RRM2: variants seen among roughly 807,000 people sequenced by gnomAD.
RRM2 encodes ribonucleoside-diphosphate reductase subunit M2.
In RRM2, 6 loss-of-function variants were observed where a neutral mutation model predicts 45.9. That is an observed-to-expected ratio of 0.13 (90% CI 0.07 to 0.26). The LOEUF (loss-of-function observed/expected upper bound fraction) is 0.26. Among genes scored for constraint, RRM2 ranks in the 10% least tolerant of loss-of-function variants. The probability of loss-of-function intolerance (pLI) is 1.00; values close to 1 mark genes in which losing one functional copy is unlikely to be tolerated. For missense variants in RRM2, 343 were observed against 489.5 expected (o/e 0.70, Z 2.82); for synonymous variants, 177 against 173.0 (o/e 1.02, Z -0.18).
chr2:10,183,614 C>G lies in RRM2; in HGVS notation n.483-26697C>G, dbSNP rs1324919361. ...CCTGTAATCCCAGCATTTTGGGAGG[C>G]CAAGGTGGGCAGATCACTTGAGGTC... On this transcript the variant is annotated intron_variant and non_coding_transcript_variant, in intron 3 of 3. Coordinates refer to the RRM2 transcript ENST00000381786. Among the ~76,000 whole-genome samples the G allele has an allele frequency of 2.0e-5, 3 of 152,258 alleles. No individual in the cohort carries two copies. The East Asian group carries it at 5.8e-4, about 29-fold the overall frequency.
chr2:10,136,933 G>A (rs1217249755), upstream of RRM2, among the ~76,000 whole-genome samples: 1 of 152,222 alleles, frequency 6.6e-6, no homozygotes, highest in Non-Finnish European at 1.5e-5. Context: ...CTGTCCAAGA[G>A]TGAGGCCCTG....
chr2:10,203,421 C>T (rs190559309), intron 3 of RRM2, among the ~76,000 whole-genome samples: 14 of 152,278 alleles, frequency 9.2e-5, no homozygotes, highest in African/African-American at 1.2e-4. Flanking sequence ...GTGGCACCTA[C>T]GCATAGATTG....
At chr2:10,158,756 G>A (rs967939911) in intron 3 of RRM2, among the ~76,000 whole-genome samples, 6 of 152,080 alleles carry the variant, frequency 3.9e-5, no homozygotes, top group African/African-American at 1.2e-4. Context: ...ACTGGCATGG[G>A]GGCCGGGGCC....
intron 3 of RRM2, among the ~76,000 whole-genome samples, chr2:10,189,057 G>A (rs1257996653): frequency 3.9e-5 from 6 of 152,212 alleles, no homozygotes; most frequent in Admixed American, 2.0e-4. Flanking sequence ...GGGCACACAG[G>A]TAATCCTCCA....
At chr2:10,124,275 T>C (rs1462080898) in intron 4 of RRM2, among the ~76,000 whole-genome samples, 3 of 152,064 alleles carry the variant, frequency 2.0e-5, no homozygotes, top group South Asian at 2.1e-4. Context: ...CTAGCTAATA[T>C]CTGTATTTTT....
At chr2:10,192,944 G>A (rs1000096638) in intron 3 of RRM2, among the ~76,000 whole-genome samples, 5 of 152,206 alleles carry the variant, frequency 3.3e-5, no homozygotes, top group African/African-American at 9.7e-5. Flanking sequence ...TCCCTTCTGC[G>A]CTGCAGTCTC....
rs1412914796 is a variant in RRM2 at position 10,171,952 on chromosome 2, G to T, written n.482+29577G>T. The stretch of plus-strand genomic sequence containing the variant: ...GGTGTCCCCACCTGTCCAGAGGCTG[G>T]GAAAACTTAGGAGACGGTGCTGCTT... On this transcript the variant is annotated intron_variant and non_coding_transcript_variant, in intron 3 of 3. Coordinates refer to the RRM2 transcript ENST00000381786. This position sits in a 1 kb window ranked among gnomAD's most constrained non-coding sequence, Gnocchi z 4.1. Among the ~76,000 whole-genome samples the T allele has an allele frequency of 6.6e-6, 1 of 152,134 alleles. No individual in the cohort carries two copies. The highest frequency in any genetic ancestry group is 1.9e-4 in the East Asian group (1 of 5,196).
Position 10,130,830 on chromosome 2 carries a change from A to G in RRM2, c.*1444A>G, listed in dbSNP as rs556689737. 2 of 152,204 alleles carry G rather than the reference A, an allele frequency of 1.3e-5. No individual in the cohort carries two copies. Among genetic ancestry groups the G allele is most frequent in the East Asian group, 3.9e-4 (2 of 5,184 alleles). 9.4% of individuals were successfully genotyped at this position (152,204 alleles called of 1,614,324 possible). On this transcript the variant is annotated 3_prime_UTR_variant, in exon 10 of 10. Coordinates refer to ENST00000304567, the MANE Select transcript of RRM2 (RefSeq NM_001034.4). Reference sequence around the variant, plus strand: ...TTTTTAGTAGAGATGGAGTTTCACCATATTGGTCAGGCTGGTCTTGAACTC... The same window carrying G: ...TTTTTAGTAGAGATGGAGTTTCACCGTATTGGTCAGGCTGGTCTTGAACTC...
rs191347070 is a variant in RRM2 at position 10,185,898 on chromosome 2, C to G, written n.483-24413C>G. 6.6e-6 allele frequency among the ~76,000 whole-genome samples: 1 copy of G among 152,316 alleles called. No individual in the cohort carries two copies. Among genetic ancestry groups the G allele is most frequent in the East Asian group, 1.9e-4 (1 of 5,178 alleles). On this transcript the variant is annotated intron_variant and non_coding_transcript_variant, in intron 3 of 3. Transcript: ENST00000381786. This position sits in a 1 kb window ranked among gnomAD's most constrained non-coding sequence, Gnocchi z 4.3. Reference sequence around the variant, plus strand: ...GCTGACCCTCCTTTCTGTCCTTCCTCGTGCCGAGGTTCTCTCTCCTTGACT... The same window carrying G: ...GCTGACCCTCCTTTCTGTCCTTCCTGGTGCCGAGGTTCTCTCTCCTTGACT...
At chr2:10,141,894 GC>G in exon 2 of RRM2, 1 of 1,573,458 alleles carries the variant, frequency 6.4e-7, no homozygotes, top group South Asian at 1.2e-5. Flanking sequence ...TGGAGTCCAG[GC>G]CCTCGGGGAG....
chr2:10,133,703 AT>A (rs33987822), downstream of RRM2, among the ~76,000 whole-genome samples: 65,024 of 133,106 alleles, frequency 0.49, 15,705 homozygotes, highest in Middle Eastern at 0.52. Flanking sequence ...TGACATCAGG[AT>A]TTTTTTTTTT....
intron 3 of RRM2, among the ~76,000 whole-genome samples, chr2:10,209,219 G>A (rs1437967804): frequency 6.6e-6 from 1 of 151,914 alleles, no homozygotes; most frequent in East Asian, 1.9e-4. Flanking sequence ...CACCACGCAT[G>A]GCTAATTTTT....
intron 3 of RRM2, among the ~76,000 whole-genome samples, chr2:10,182,834 A>G (rs1156338535): frequency 6.6e-6 from 1 of 152,134 alleles, no homozygotes; most frequent in Non-Finnish European, 1.5e-5. Context: ...GAAACAGCCA[A>G]CACATCCATG....
chr2:10,154,592 G>A (rs1026053643), intron 3 of RRM2, among the ~76,000 whole-genome samples: 1 of 151,994 alleles, frequency 6.6e-6, no homozygotes, highest in Non-Finnish European at 1.5e-5. Flanking sequence ...GAGGGGGAAA[G>A]GGAGGAGGTG....
At chr2:10,143,753 C>T (rs545738853) in intron 3 of RRM2, among the ~76,000 whole-genome samples, 29 of 152,206 alleles carry the variant, frequency 1.9e-4, no homozygotes, top group Admixed American at 5.9e-4. Flanking sequence ...CTGCAACCTC[C>T]GCCTCCTGGG....
intron 5 of RRM2, 49 bp downstream of exon 5, chr2:10,124,899 G>A (rs72544297): frequency 0.012 from 18,295 of 1,533,440 alleles, 139 homozygotes; most frequent in Middle Eastern, 0.023. Context: ...ACTAATTGTT[G>A]ATTTATTACA....
chr2:10,190,041 G>C (rs1363361516), intron 3 of RRM2, among the ~76,000 whole-genome samples: 1 of 151,564 alleles, frequency 6.6e-6, no homozygotes, highest in East Asian at 2.0e-4. Flanking sequence ...GGTGGTGATG[G>C]TGGTATTGGT....
At chr2:10,186,847 C>T (rs1330620041) in intron 3 of RRM2, among the ~76,000 whole-genome samples, 3 of 152,252 alleles carry the variant, frequency 2.0e-5, no homozygotes, top group African/African-American at 7.2e-5. Context: ...AGCCAGGCCC[C>T]ACCTCCACAG....
At chr2:10,203,321 G>A (rs552962029) in intron 3 of RRM2, among the ~76,000 whole-genome samples, 2 of 152,308 alleles carry the variant, frequency 1.3e-5, no homozygotes, top group South Asian at 2.1e-4. Context: ...CCTGTTTCCC[G>A]ACTGCCACCC....
Sources: allele counts gnomAD v4.1 joint callset (sites outside exome capture counted in the v4.1 genomes callset), GRCh38; gene constraint gnomAD v4.1.1; non-coding constraint Gnocchi (gnomAD v3.1); transcripts MANE v1.5; gene names NCBI Gene and HGNC (gene_info 2026-07-23, HGNC 2026-07-21).